The following N4BP2L2 variants were observed in gnomAD, a reference collection of about 807,000 sequenced individuals.
N4BP2L2 encodes the protein NEDD4-binding protein 2-like 2.
Under a neutral mutation model 56.2 loss-of-function variants are expected in N4BP2L2, and 50 were observed. That is an observed-to-expected ratio of 0.89 (90% CI 0.71 to 1.13). N4BP2L2 has a LOEUF of 1.13. Ranked by LOEUF, N4BP2L2 falls within the 50% of genes most tolerant of loss-of-function variation. The probability of loss-of-function intolerance (pLI) is 0.00; values close to 1 mark genes in which losing one functional copy is unlikely to be tolerated. For synonymous variants in N4BP2L2, 203 were observed against 223.6 expected (o/e 0.91, Z 0.82); for missense variants, 689 against 693.8 (o/e 0.99, Z 0.08).
chr13:32,481,881 C>A (rs1054295467), intron 6 of N4BP2L2, among the ~76,000 whole-genome samples: 1 of 152,142 alleles, frequency 6.6e-6, no homozygotes, highest in Non-Finnish European at 1.5e-5. Context: ...GGGAACTAGA[C>A]GCAAATATTG....
chr13:32,499,898 C>T (rs941731699), intron 6 of N4BP2L2, among the ~76,000 whole-genome samples: 6 of 152,184 alleles, frequency 3.9e-5, no homozygotes, highest in African/African-American at 1.4e-4. Flanking sequence ...CATATCCCAA[C>T]ACCATTCATG....
chr13:32,444,043 C>G, exon 7 of N4BP2L2: 1 of 1,601,790 alleles, frequency 6.2e-7, no homozygotes. Context: ...TCTATTCTGA[C>G]TGTTCTGCTT....
At chr13:32,436,539 C>T (rs1442778085) in intron 8 of N4BP2L2, 2 of 374,060 alleles carry the variant, frequency 5.3e-6, no homozygotes, top group Non-Finnish European at 9.8e-6. Flanking sequence ...CCTGTAATCC[C>T]AGCACTTTGG....
At chr13:32,444,247 G>T (rs553785795) in intron 6 of N4BP2L2, 1 of 663,564 alleles carries the variant, frequency 1.5e-6, no homozygotes, top group African/African-American at 1.9e-5. Context: ...ACTCTCAAGT[G>T]TGCACGTACT....
chr13:32,530,073 A>G (rs1023586519), intron 2 of N4BP2L2, among the ~76,000 whole-genome samples: 4 of 152,142 alleles, frequency 2.6e-5, no homozygotes, highest in Non-Finnish European at 4.4e-5. Flanking sequence ...TGACAATCAT[A>G]TTTTTTGTAT....
intron 5 of N4BP2L2, 89 bp downstream of exon 5, chr13:32,521,284 A>G: frequency 9.4e-7 from 1 of 1,059,496 alleles, no homozygotes; most frequent in South Asian, 1.4e-5. Flanking sequence ...CTGAACCTAC[A>G]TTTGTATTCA....
intron 6 of N4BP2L2, among the ~76,000 whole-genome samples, chr13:32,476,328 A>T (rs1277617070): frequency 6.6e-6 from 1 of 152,232 alleles, no homozygotes; most frequent in Non-Finnish European, 1.5e-5. Context: ...CTGAGACCTC[A>T]AATGGCTTCT....
At chr13:32,506,651 T>C (rs2090997665), downstream of N4BP2L2, 1 of 152,170 alleles carries the variant, frequency 6.6e-6, no homozygotes, top group African/African-American at 2.4e-5. Flanking sequence ...AAGAAAACTT[T>C]GAAGAGCTCA....
At chr13:32,436,019 C>T (rs183300278) in intron 9 of N4BP2L2, among the ~76,000 whole-genome samples, 1 of 152,184 alleles carries the variant, frequency 6.6e-6, no homozygotes, top group Non-Finnish European at 1.5e-5. Flanking sequence ...AGAACCTACA[C>T]CCCTAATTCC....
At chr13:32,475,298 G>A (rs1210909930) in intron 6 of N4BP2L2, among the ~76,000 whole-genome samples, 1 of 152,190 alleles carries the variant, frequency 6.6e-6, no homozygotes, top group Non-Finnish European at 1.5e-5. Flanking sequence ...AAAGAATTCA[G>A]GACATGGGCA....
chr13:32,537,414 C>T (rs952044637), intron 1 of N4BP2L2, among the ~76,000 whole-genome samples: 3 of 151,930 alleles, frequency 2.0e-5, no homozygotes, highest in African/African-American at 4.8e-5. Flanking sequence ...AGAGTGAAAC[C>T]GCCAACACCA....
chr13:32,436,478 T>G, intron 8 of N4BP2L2: 1 of 656,066 alleles, frequency 1.5e-6, no homozygotes. Context: ...GTCATTTTAC[T>G]CATGTAGGGA....
exon 6 of N4BP2L2, chr13:32,513,510 C>G (rs2048567689): frequency 6.6e-6 from 1 of 152,072 alleles, no homozygotes; most frequent in African/African-American, 2.4e-5. Flanking sequence ...GTCTTATCAC[C>G]AAACATTCAT....
rs1382601511 is a variant in N4BP2L2 at position 32,441,406 on chromosome 13, T to TGGTTCA, written c.2104+981_2104+982insTGAACC. ...GTAGAAAGTAGAGTTTCTTTTCTGG[T>TGGTTCA]GGCCTGGTGGTTCAGGCCTGTAATC... On this transcript the variant is annotated intron_variant, in intron 7 of 9. Coordinates refer to the N4BP2L2 transcript ENST00000357505. Among the ~76,000 whole-genome samples the TGGTTCA allele has an allele frequency of 2.0e-5, 3 of 152,186 alleles. No individual in the cohort carries two copies. In the East Asian group the frequency reaches 5.8e-4, roughly 29 times the overall value.
intron 6 of N4BP2L2, among the ~76,000 whole-genome samples, chr13:32,450,153 C>T (rs1258229563): frequency 2.0e-5 from 3 of 152,150 alleles, no homozygotes; most frequent in East Asian, 1.9e-4. Context: ...TAAAGCTAGA[C>T]CTCCACAGAT....
chr13:32,464,346 T>C (rs1389130975), intron 6 of N4BP2L2, among the ~76,000 whole-genome samples: 1 of 152,220 alleles, frequency 6.6e-6, no homozygotes, highest in Non-Finnish European at 1.5e-5. Flanking sequence ...GTTCTACCAA[T>C]AGAAATTATT....
intron 6 of N4BP2L2, among the ~76,000 whole-genome samples, chr13:32,496,340 T>C (rs1234136706): frequency 6.6e-6 from 1 of 152,214 alleles, no homozygotes. Context: ...CTTTTTTTCC[T>C]ATTTTTGTTT....
chr13:32,530,645 T>A (rs1044805666), intron 2 of N4BP2L2, among the ~76,000 whole-genome samples: 11 of 152,150 alleles, frequency 7.2e-5, no homozygotes, highest in Admixed American at 4.6e-4. Context: ...TTAATCCTCA[T>A]AAAAGCCTGC....
chr13:32,526,848 C>CTTTTTTTTTTTTTTTTTTTTT (rs1403656970), intron 3 of N4BP2L2: 84 of 49,732 alleles, frequency 1.7e-3, no homozygotes, highest in African/African-American at 4.7e-3. Context: ...TTTTTTTTTG[C>CTTTTTTTTTTTTTTTTTTTTT]TTTTTTTTAA....
Sources: allele counts gnomAD v4.1 joint callset (sites outside exome capture counted in the v4.1 genomes callset), GRCh38; gene constraint gnomAD v4.1.1; transcripts MANE v1.5; gene names NCBI Gene and HGNC (gene_info 2026-07-23, HGNC 2026-07-21).